The following SMYD3 variants were observed in gnomAD, a reference collection of about 807,000 sequenced individuals.
SMYD3 encodes histone-lysine N-methyltransferase SMYD3.
A neutral mutation model predicts 57.7 loss-of-function variants in SMYD3; 36 were observed. The observed-to-expected ratio is 0.62, with a 90% CI of 0.48 to 0.82. The LOEUF (loss-of-function observed/expected upper bound fraction) is 0.82, where lower values mean the gene tolerates loss of function less well. SMYD3 is among the 40% of genes least tolerant of loss of function. The pLI is 0.00. For synonymous variants in SMYD3, 211 were observed against 195.0 expected, an observed-to-expected ratio of 1.08 and a Z score of -0.68; for missense variants, 515 against 538.8, an observed-to-expected ratio of 0.96 and a Z score of 0.44.
chr1:246,199,233 G>T (rs1020373416), intron 5 of SMYD3, among the ~76,000 whole-genome samples: 1 of 152,040 alleles, frequency 6.6e-6, no homozygotes, highest in Non-Finnish European at 1.5e-5. Context: ...AATTCAGTCT[G>T]GGATTGTGCC....
chr1:246,199,028 T>C (rs1297516288), intron 5 of SMYD3, among the ~76,000 whole-genome samples: 1 of 152,146 alleles, frequency 6.6e-6, no homozygotes, highest in Non-Finnish European at 1.5e-5. Flanking sequence ...CATGGGTATG[T>C]AGTGTGGCGC....
chr1:245,815,827 T>C (rs1182841587), intron 10 of SMYD3, among the ~76,000 whole-genome samples: 1 of 152,176 alleles, frequency 6.6e-6, no homozygotes, highest in African/African-American at 2.4e-5. Context: ...GCCTTTGAAG[T>C]GTTTCACAGC....
intron 5 of SMYD3, among the ~76,000 whole-genome samples, chr1:246,273,149 T>C (rs865801709): frequency 2.2e-5 from 3 of 133,980 alleles, no homozygotes; most frequent in African/African-American, 8.7e-5. Flanking sequence ...TTTTTTTTTT[T>C]TTTCTTTTTT....
intron 5 of SMYD3, among the ~76,000 whole-genome samples, chr1:245,940,562 T>C (rs899597215): frequency 2.6e-4 from 24 of 92,984 alleles, no homozygotes; most frequent in African/African-American, 6.6e-4. Context: ...TCTTGACTGT[T>C]AAAAAAACAA....
At chr1:246,161,960 A>G (rs1457740909) in intron 5 of SMYD3, among the ~76,000 whole-genome samples, 1 of 152,174 alleles carries the variant, frequency 6.6e-6, no homozygotes, top group African/African-American at 2.4e-5. Flanking sequence ...TATTACAAAG[A>G]TAACAGCCTG....
intron 10 of SMYD3, among the ~76,000 whole-genome samples, chr1:245,800,785 G>A (rs1231725032): frequency 6.6e-6 from 1 of 152,194 alleles, no homozygotes; most frequent in African/African-American, 2.4e-5. Context: ...CTGTCACAGG[G>A]CCCCAGGAAC....
intron 10 of SMYD3, among the ~76,000 whole-genome samples, chr1:245,838,549 A>G (rs966076482): frequency 2.0e-5 from 3 of 152,196 alleles, no homozygotes; most frequent in African/African-American, 7.2e-5. Context: ...ATCTAGATAC[A>G]TGTAGGTCTA....
At chr1:246,195,447 G>T (rs960789551) in intron 5 of SMYD3, among the ~76,000 whole-genome samples, 4 of 152,042 alleles carry the variant, frequency 2.6e-5, no homozygotes, top group African/African-American at 9.7e-5. Flanking sequence ...AAGCACATCT[G>T]GACTCTACTC....
intron 5 of SMYD3, among the ~76,000 whole-genome samples, chr1:246,126,985 T>C (rs1427254352): frequency 2.0e-5 from 3 of 152,150 alleles, no homozygotes; most frequent in Non-Finnish European, 4.4e-5. Flanking sequence ...ATTACAAAGA[T>C]GCAGCACTGA....
chr1:246,379,997 C>T (rs532795610), intron 1 of SMYD3, among the ~76,000 whole-genome samples: 14 of 147,362 alleles, frequency 9.5e-5, no homozygotes, highest in Admixed American at 6.8e-4. Context: ...ATCAGAGCAA[C>T]ACTCTGTCTC....
chr1:246,120,583 G>A (rs536225681), intron 5 of SMYD3, among the ~76,000 whole-genome samples: 23 of 152,156 alleles, frequency 1.5e-4, no homozygotes, highest in South Asian at 1.5e-3. Flanking sequence ...ACAAATCAAT[G>A]GGCTCTTGAG....
At chr1:245,765,195 G>A (rs1216957112) in intron 10 of SMYD3, among the ~76,000 whole-genome samples, 1 of 149,144 alleles carries the variant, frequency 6.7e-6, no homozygotes, top group Middle Eastern at 3.2e-3. Context: ...AGACCACCCT[G>A]GGTAACAAGG....
intron 5 of SMYD3, 144 bp downstream of exon 5, chr1:246,327,057 C>G: frequency 1.1e-6 from 1 of 923,670 alleles, no homozygotes; most frequent in African/African-American, 1.7e-5. Context: ...CTCTCATGCT[C>G]TACTCACTAT....
intron 1 of SMYD3, among the ~76,000 whole-genome samples, chr1:246,442,959 C>G (rs1260763777): frequency 1.3e-5 from 2 of 152,148 alleles, no homozygotes; most frequent in Admixed American, 6.6e-5. Flanking sequence ...AGCAACTTCC[C>G]TTACAGTGCA....
At chr1:245,936,805 T>C (rs1373853516) in intron 5 of SMYD3, among the ~76,000 whole-genome samples, 1 of 150,762 alleles carries the variant, frequency 6.6e-6, no homozygotes, top group Non-Finnish European at 1.5e-5. Flanking sequence ...AGGCTGAGGC[T>C]GCAGTGAGCC....
intron 2 of SMYD3, among the ~76,000 whole-genome samples, chr1:246,354,001 G>A (rs367648204): frequency 1.8e-4 from 28 of 152,010 alleles, no homozygotes; most frequent in South Asian, 4.2e-4. Flanking sequence ...TTTTTGTGTC[G>A]TCTCAAATTA....
intron 5 of SMYD3, 111 bp from the exon 6 acceptor site, chr1:245,930,048 T>G (rs553799388): frequency 1.3e-4 from 106 of 839,176 alleles, no homozygotes; most frequent in African/African-American, 8.2e-4. Context: ...AGTAGTTGCT[T>G]AAGAAAGAGC....
intron 5 of SMYD3, among the ~76,000 whole-genome samples, chr1:246,255,097 T>C (rs1302570670): frequency 6.6e-6 from 1 of 152,184 alleles, no homozygotes; most frequent in Non-Finnish European, 1.5e-5. Context: ...ACTTCTTCTT[T>C]TCCTAATTGG....
intron 1 of SMYD3, among the ~76,000 whole-genome samples, chr1:246,486,221 T>C (rs549236101): frequency 3.9e-5 from 6 of 152,350 alleles, no homozygotes; most frequent in African/African-American, 7.2e-5. Flanking sequence ...GCTAGTCAGT[T>C]TGCAGGTTCA....
Sources: gnomAD v4.1 joint callset for allele counts (sites outside exome capture counted in the v4.1 genomes callset) on GRCh38, gnomAD v4.1.1 for gene constraint, MANE v1.5 for transcripts, NCBI Gene and HGNC (gene_info 2026-07-23, HGNC 2026-07-21) for gene names.